SRGAP3: variants seen among roughly 807,000 people sequenced by gnomAD.
SRGAP3 encodes SLIT-ROBO Rho GTPase activating protein 3, also known as SLIT-ROBO Rho GTPase-activating protein 3.
Under a neutral mutation model 121.1 loss-of-function variants are expected in SRGAP3, and 39 were observed. The ratio of observed to expected loss-of-function variants is 0.32; its 90% CI spans 0.25 to 0.42. SRGAP3 has a LOEUF of 0.42. Among genes scored for constraint, SRGAP3 ranks in the 10% least tolerant of loss-of-function variants. The pLI is 1.00. For synonymous variants in SRGAP3, 601 were observed against 570.0 expected (o/e 1.05, Z -0.77); for missense variants, 1,213 against 1,470.6 (o/e 0.82, Z 2.86).
intron 1 of SRGAP3, among the ~76,000 whole-genome samples, chr3:9,228,951 A>G (rs1314235456): frequency 6.6e-6 from 1 of 151,116 alleles, no homozygotes; most frequent in African/African-American, 2.4e-5. Flanking sequence ...AGTCCCAGCT[A>G]CTCGGGAGGC....
At chr3:9,273,041 G>T (rs1954509137) in intron 3 of SRGAP3, among the ~76,000 whole-genome samples, 1 of 152,178 alleles carries the variant, frequency 6.6e-6, no homozygotes. Context: ...TTTCACGGAA[G>T]ACAACTTTTC....
chr3:8,985,570 G>A lies in SRGAP3; in HGVS notation c.3249C>T (p.Pro1083=), dbSNP rs1008168448. ...SSGVGSPAVT[P]TEKMFPNSSA... ...AGCTGTTGGGGAACATCTTCTCGGT[G>A]GGCGTCACGGCCGGGCTGCCCACGC... is the stretch of plus-strand genomic sequence containing the variant. Residue 1083 remains proline, a synonymous_variant, in exon 22 of 22, where the codon CCC becomes CCT. Transcript: ENST00000383836. The surrounding 1 kb of genome is among the most constrained non-coding windows in gnomAD (Gnocchi z 5.1). 6.3e-7 allele frequency: 1 copy of A among 1,597,804 alleles called. No homozygotes were observed. The highest frequency in any genetic ancestry group is 1.1e-5 in the South Asian group (1 of 90,992).
At chr3:9,001,813 G>A (rs1303063126) in intron 18 of SRGAP3, among the ~76,000 whole-genome samples, 1 of 152,034 alleles carries the variant, frequency 6.6e-6, no homozygotes, top group Admixed American at 6.5e-5. Context: ...TACTGCTAGA[G>A]ATAAATGGCA....
rs183332835 is a variant in SRGAP3 at position 9,199,163 on chromosome 3, C to T, written c.67+49722G>A. 1.2e-4 allele frequency among the ~76,000 whole-genome samples: 19 copies of T among 152,320 alleles called. No homozygotes were observed. In the East Asian group the frequency reaches 3.1e-3, roughly 25 times the overall value. The stretch of plus-strand genomic sequence containing the variant: ...AATCTCCAAGAAGGATGCTCAAGGG[C>T]TCCGTTATCAGAGTTACTTAATTCT... On this transcript the variant is annotated intron_variant, in intron 1 of 21. Transcript: ENST00000383836.
intron 18 of SRGAP3, among the ~76,000 whole-genome samples, chr3:9,000,923 C>A (rs1942720730): frequency 6.6e-6 from 1 of 152,198 alleles, no homozygotes; most frequent in Middle Eastern, 3.2e-3. Flanking sequence ...CTACCAAAAC[C>A]ACTGTCATCC....
chr3:8,991,232 G>C (rs556039341), intron 20 of SRGAP3, among the ~76,000 whole-genome samples: 1 of 152,296 alleles, frequency 6.6e-6, no homozygotes, highest in African/African-American at 2.4e-5. Flanking sequence ...ATTCTGAGGG[G>C]CTTCTAATTG....
In SRGAP3 at chr3:9,049,199, C is replaced by T. The variant is rs149311153; in HGVS notation, c.1324-1724G>A. ...CCCATTGACAGCTATGGGGGAAAGACCCACTGGGGTAGGGGCTGACACATA... is the reference window on the plus strand; with the variant it reads ...CCCATTGACAGCTATGGGGGAAAGATCCACTGGGGTAGGGGCTGACACATA... On this transcript the variant is annotated intron_variant, in intron 9 of 21. Coordinates refer to ENST00000383836, the MANE Select transcript of SRGAP3 (RefSeq NM_014850.4). 364 of 341,030 alleles carry T rather than the reference C, an allele frequency of 1.1e-3. 1 individual carries two copies. The highest frequency in any genetic ancestry group is 7.2e-3 in the African/African-American group (337 of 46,678). 21.1% of individuals were successfully genotyped at this position (341,030 alleles called of 1,614,324 possible).
chr3:9,285,445 G>A (rs912440062), intron 3 of SRGAP3, among the ~76,000 whole-genome samples: 3 of 152,068 alleles, frequency 2.0e-5, no homozygotes, highest in Non-Finnish European at 4.4e-5. Context: ...TACCTGTGAG[G>A]AGACTCATAT....
chr3:9,349,200 C>A, intron 1 of SRGAP3: 1 of 686,510 alleles, frequency 1.5e-6, no homozygotes, highest in Non-Finnish European at 2.7e-6. Flanking sequence ...TAAAGGCCAG[C>A]GGGCAGGCTA....
At chr3:9,165,163 GC>G (rs1002097440) in intron 1 of SRGAP3, among the ~76,000 whole-genome samples, 1 of 152,204 alleles carries the variant, frequency 6.6e-6, no homozygotes, top group Non-Finnish European at 1.5e-5. Flanking sequence ...AAAAAAGGGG[GC>G]CCCCCAGTGG....
At chr3:9,154,998 GTTTTTTGT>G (rs983994460) in intron 1 of SRGAP3, among the ~76,000 whole-genome samples, 3 of 145,078 alleles carry the variant, frequency 2.1e-5, no homozygotes, top group African/African-American at 8.0e-5. Context: ...TATGTTTTTT[GTTTTTTGT>G]TTTTTTTTTG....
chr3:9,040,093 T>G (rs1206218610), intron 10 of SRGAP3, among the ~76,000 whole-genome samples: 1 of 152,238 alleles, frequency 6.6e-6, no homozygotes. Context: ...CACTTAACAC[T>G]ATCTTCTTAG....
chr3:9,206,190 G>C (rs1280254781), intron 1 of SRGAP3, among the ~76,000 whole-genome samples: 2 of 152,020 alleles, frequency 1.3e-5, no homozygotes, highest in Non-Finnish European at 2.9e-5. Context: ...AAAAAGAAAA[G>C]CTGTAAAAAA....
At chr3:9,319,922 C>T (rs754021190) in intron 3 of SRGAP3, among the ~76,000 whole-genome samples, 3 of 151,880 alleles carry the variant, frequency 2.0e-5, no homozygotes, top group Non-Finnish European at 4.4e-5. Flanking sequence ...AGCATGTCAC[C>T]GTGCACAGGG....
intron 1 of SRGAP3, among the ~76,000 whole-genome samples, chr3:9,155,587 A>G (rs1950390169): frequency 6.6e-6 from 1 of 151,864 alleles, no homozygotes; most frequent in African/African-American, 2.4e-5. Flanking sequence ...ATTTTTATTC[A>G]TTGCCCCGGG....
chr3:9,217,972 G>A (rs577405957), intron 1 of SRGAP3: 2 of 152,210 alleles, frequency 1.3e-5, no homozygotes, highest in East Asian at 3.9e-4. Context: ...CTACAGCTTC[G>A]GCTTTACAAA....
At chr3:9,315,531 AATGGCTGCTGGGG>A in intron 3 of SRGAP3, among the ~76,000 whole-genome samples, 1 of 152,338 alleles carries the variant, frequency 6.6e-6, no homozygotes, top group South Asian at 2.1e-4. Flanking sequence ...AAGGAAGGGT[AATGGCTGCTGGGG>A]ATGGGAGACA....
At chr3:9,275,866 G>A (rs1339779099) in intron 3 of SRGAP3, among the ~76,000 whole-genome samples, 2 of 152,100 alleles carry the variant, frequency 1.3e-5, no homozygotes, top group South Asian at 2.1e-4. Flanking sequence ...CCTGAAAGGT[G>A]AGGCAGATAC....
chr3:9,178,132 G>T (rs527507251), intron 1 of SRGAP3, among the ~76,000 whole-genome samples: 1 of 152,294 alleles, frequency 6.6e-6, no homozygotes, highest in Non-Finnish European at 1.5e-5. Flanking sequence ...GCAGGGCATG[G>T]TGGCGCATGC....
Sources: allele counts gnomAD v4.1 joint callset (sites outside exome capture counted in the v4.1 genomes callset), GRCh38; gene constraint gnomAD v4.1.1; non-coding constraint Gnocchi (gnomAD v3.1); transcripts MANE v1.5; gene names NCBI Gene and HGNC (gene_info 2026-07-23, HGNC 2026-07-21).